MSRB2: variants seen among roughly 807,000 people sequenced by gnomAD.
MSRB2 encodes the protein methionine-R-sulfoxide reductase B2, mitochondrial.
A neutral mutation model predicts 19.0 loss-of-function variants in MSRB2; 17 were observed. That is an observed-to-expected ratio of 0.89 (90% CI 0.61 to 1.34). The LOEUF is 1.34. MSRB2 is among the 40% of genes most tolerant of loss of function. The probability of loss-of-function intolerance (pLI) is 0.00; values close to 1 mark genes in which losing one functional copy is unlikely to be tolerated. For missense variants in MSRB2, 208 were observed against 237.6 expected (o/e 0.88, Z 0.82); for synonymous variants, 107 against 99.7 (o/e 1.07, Z -0.44).
At chr10:23,096,527 G>A (rs1352388209) in intron 1 of MSRB2, among the ~76,000 whole-genome samples, 2 of 152,084 alleles carry the variant, frequency 1.3e-5, no homozygotes. Context: ...GGCTTCCTGG[G>A]CGGTTGCCAG....
At chr10:23,119,753 C>A (rs186351151) in intron 4 of MSRB2, among the ~76,000 whole-genome samples, 1 of 152,112 alleles carries the variant, frequency 6.6e-6, no homozygotes, top group Non-Finnish European at 1.5e-5. Context: ...TGCCACCACA[C>A]CCAGTGAATT....
intron 1 of MSRB2, among the ~76,000 whole-genome samples, chr10:23,098,729 T>G (rs549586782): frequency 6.6e-6 from 1 of 152,240 alleles, no homozygotes; most frequent in Non-Finnish European, 1.5e-5. Flanking sequence ...AATTTACACG[T>G]GCCTAAATTG....
At chr10:23,120,681 G>T (rs144507138) in intron 4 of MSRB2, 77 bp from the exon 5 acceptor site, 9 of 1,086,608 alleles carry the variant, frequency 8.3e-6, no homozygotes, top group Non-Finnish European at 1.1e-5. Flanking sequence ...AGTGATTTTG[G>T]GGGGGTTCGT....
intron 1 of MSRB2, among the ~76,000 whole-genome samples, chr10:23,101,855 A>G (rs552392577): frequency 3.9e-5 from 6 of 152,336 alleles, no homozygotes; most frequent in African/African-American, 1.4e-4. Context: ...TTTTAGATTT[A>G]TAGACAAGTT....
intron 3 of MSRB2, among the ~76,000 whole-genome samples, chr10:23,116,743 C>G (rs1214288792): frequency 1.3e-5 from 2 of 152,194 alleles, no homozygotes; most frequent in Non-Finnish European, 2.9e-5. Flanking sequence ...TGCTTCAACA[C>G]TGCTTATCTC....
chr10:23,109,540 C>A (rs1402793312), intron 2 of MSRB2, among the ~76,000 whole-genome samples: 311 of 138,158 alleles, frequency 2.3e-3, no homozygotes, highest in Middle Eastern at 3.6e-3. Flanking sequence ...GACTTCATCT[C>A]AAAAAAAAAA....
chr10:23,112,864 G>A (rs7084500), intron 3 of MSRB2, among the ~76,000 whole-genome samples: 2,145 of 152,284 alleles, frequency 0.014, 48 homozygotes, highest in African/African-American at 0.048. Flanking sequence ...GATTACAGGC[G>A]TGAGCCAGCG....
intron 1 of MSRB2, 83 bp downstream of exon 1, chr10:23,095,809 G>T: frequency 1.0e-6 from 1 of 960,028 alleles, no homozygotes; most frequent in Non-Finnish European, 1.3e-6. Flanking sequence ...GCCTAGGGCC[G>T]GTCCAGGCCG....
Position 23,119,468 on chromosome 10 carries a change from T to A in MSRB2, c.444+17T>A. 2.5e-6 allele frequency: 4 copies of A among 1,608,864 alleles called. No individual in the cohort carries two copies. Among genetic ancestry groups the A allele is most frequent in the Non-Finnish European group, 3.4e-6 (4 of 1,176,360 alleles). On this transcript the variant is annotated intron_variant, in intron 4 of 4. Coordinates refer to ENST00000376510, the MANE Select transcript of MSRB2 (RefSeq NM_012228.4). ...TGCAAGCAGGTGAGGTTTCTCATTT[T>A]GTTTTACTTTCCCTGATGCTGCCCC...
In MSRB2 at chr10:23,104,776, C is replaced by T. The variant is rs146741941; in HGVS notation, c.219+532C>T. 1.2e-4 allele frequency among the ~76,000 whole-genome samples: 19 copies of T among 152,214 alleles called. No homozygotes were observed. In the East Asian group the frequency reaches 3.5e-3, roughly 28 times the overall value. ...GTACTTTGGCCACACCACCCTTGAG[C>T]TCTCACATGCCCTGGGCTCCCTTCT... On this transcript the variant is annotated intron_variant, in intron 2 of 4. Transcript: ENST00000376510.
intron 2 of MSRB2, among the ~76,000 whole-genome samples, chr10:23,108,727 C>G (rs570964674): frequency 1.9e-4 from 29 of 150,846 alleles, no homozygotes; most frequent in African/African-American, 7.1e-4. Context: ...CCACCTGTCT[C>G]GGCCCCCCAA....
chr10:23,108,192 AG>A (rs1396898272), intron 2 of MSRB2, among the ~76,000 whole-genome samples: 2 of 152,038 alleles, frequency 1.3e-5, no homozygotes, highest in Non-Finnish European at 2.9e-5. Context: ...TCCTGACCTC[AG>A]GTGATCCACC....
chr10:23,118,293 G>C (rs1483273947), intron 3 of MSRB2, among the ~76,000 whole-genome samples: 1 of 150,016 alleles, frequency 6.7e-6, no homozygotes, highest in African/African-American at 2.5e-5. Context: ...TCATAGTCTA[G>C]GGATTTGATT....
intron 1 of MSRB2, among the ~76,000 whole-genome samples, chr10:23,101,924 ACAT>A (rs1167849477): frequency 4.6e-5 from 7 of 152,308 alleles, no homozygotes; most frequent in Admixed American, 2.6e-4. Flanking sequence ...TAATCTTCTG[ACAT>A]CATCATAGTA....
At chr10:23,119,109 G>T in intron 3 of MSRB2, 195 bp from the exon 4 acceptor site, 1 of 700,408 alleles carries the variant, frequency 1.4e-6, no homozygotes, top group Non-Finnish European at 2.6e-6. Context: ...CTTCCACTTC[G>T]AGAGGCAATG....
rs1840179996 is a variant in MSRB2 at position 23,121,262 on chromosome 10, T to C, written c.*400T>C. On this transcript the variant is annotated 3_prime_UTR_variant, in exon 5 of 5. Coordinates refer to ENST00000376510, the MANE Select transcript of MSRB2 (RefSeq NM_012228.4). ...TTCTGGGGAGACCTGAGGGAGCTTT[T>C]ACTCATGGCAGAAGGTGAAGGGGGA... 1.8e-5 allele frequency: 3 copies of C among 169,380 alleles called. No individual in the cohort carries two copies. Among genetic ancestry groups the C allele is most frequent in the African/African-American group, 7.2e-5 (3 of 41,708 alleles). 10.5% of individuals were successfully genotyped at this position (169,380 alleles called of 1,614,324 possible). A position where few individuals can be genotyped will look rare whatever the true frequency, so the allele number is the denominator to read the frequency against.
chr10:23,118,929 T>G (rs1191268311), intron 3 of MSRB2: 1 of 413,732 alleles, frequency 2.4e-6, no homozygotes, highest in African/African-American at 2.0e-5. Context: ...TGATGATGAC[T>G]TCCTCCGAGC....
chr10:23,100,821 C>T (rs371112981), intron 1 of MSRB2, among the ~76,000 whole-genome samples: 50 of 152,162 alleles, frequency 3.3e-4, no homozygotes, highest in African/African-American at 1.0e-3. Flanking sequence ...GGCAGTCACT[C>T]GTTCCACTGT....
chr10:23,096,070 C>G (rs1437348675), intron 1 of MSRB2, among the ~76,000 whole-genome samples: 1 of 152,092 alleles, frequency 6.6e-6, no homozygotes, highest in African/African-American at 2.4e-5. Context: ...GGCCCGGGGC[C>G]TGGGCTGTAG....
Sources: allele counts gnomAD v4.1 joint callset (sites outside exome capture counted in the v4.1 genomes callset), GRCh38; gene constraint gnomAD v4.1.1; transcripts MANE v1.5; gene names NCBI Gene and HGNC (gene_info 2026-07-23, HGNC 2026-07-21).